Variants in DIAPH2 observed in about 807,000 individuals in gnomAD.
DIAPH2 encodes the protein protein diaphanous homolog 2.
A neutral mutation model predicts 92.7 loss-of-function variants in DIAPH2; 35 were observed. The observed-to-expected ratio is 0.38, with a 90% CI of 0.29 to 0.50. The LOEUF is 0.50. DIAPH2 is among the 20% of genes least tolerant of loss of function. The pLI, the probability that DIAPH2 is intolerant of heterozygous loss-of-function variation, is 0.94. For missense variants in DIAPH2, 701 were observed against 819.5 expected, an observed-to-expected ratio of 0.86 and a Z score of 1.77; for synonymous variants, 301 against 280.4, an observed-to-expected ratio of 1.07 and a Z score of -0.73.
At chrX:96,835,280 G>A (rs1488370933) in intron 4 of DIAPH2, among the ~76,000 whole-genome samples, 1 of 111,802 alleles carries the variant, frequency 8.9e-6, no homozygotes, top group Non-Finnish European at 1.9e-5. Context: ...CACATTAATC[G>A]AATACTTATT....
At chrX:97,310,006 TC>T (rs781697118) in intron 23 of DIAPH2, among the ~76,000 whole-genome samples, 1 of 111,862 alleles carries the variant, frequency 8.9e-6, no homozygotes, top group Non-Finnish European at 1.9e-5. Flanking sequence ...TTTAGGCAGC[TC>T]CTCTATTTCT....
intron 17 of DIAPH2, among the ~76,000 whole-genome samples, chrX:96,970,133 G>T (rs2065918571): frequency 8.9e-6 from 1 of 111,745 alleles, no homozygotes; most frequent in African/African-American, 3.3e-5. Context: ...ATTTTGTTGA[G>T]AATTTTTGTG....
At chrX:97,300,791 G>T (rs1322694476) in intron 23 of DIAPH2, among the ~76,000 whole-genome samples, 2 of 98,073 alleles carry the variant, frequency 2.0e-5, no homozygotes, top group Non-Finnish European at 4.1e-5. Flanking sequence ...AATTAGCCGG[G>T]CATGGTGGCG....
At chrX:97,191,160 C>T (rs1288879337) in intron 22 of DIAPH2, among the ~76,000 whole-genome samples, 3 of 109,374 alleles carry the variant, frequency 2.7e-5, no homozygotes, top group Non-Finnish European at 5.7e-5. Flanking sequence ...GAAACCCTGT[C>T]GTTACTAAAA....
intron 3 of DIAPH2, among the ~76,000 whole-genome samples, chrX:96,755,271 T>C (rs1377529051): frequency 8.9e-6 from 1 of 112,116 alleles, no homozygotes; most frequent in Non-Finnish European, 1.9e-5. Flanking sequence ...ATATAGATTT[T>C]TGCTGTCAAC....
chrX:97,110,990 AC>A (rs1187804301), intron 20 of DIAPH2, among the ~76,000 whole-genome samples: 4 of 108,114 alleles, frequency 3.7e-5, no homozygotes, highest in South Asian at 3.9e-4. Context: ...CTCAAAAAAA[AC>A]AAACAAAAAA....
At chrX:97,054,746 C>G (rs915259100) in intron 17 of DIAPH2, among the ~76,000 whole-genome samples, 7 of 111,040 alleles carry the variant, frequency 6.3e-5, no homozygotes, top group Non-Finnish European at 1.3e-4. Context: ...AAATTCCCTA[C>G]TTATTACTTA....
intron 21 of DIAPH2, among the ~76,000 whole-genome samples, chrX:97,124,334 G>A (rs777032946): frequency 3.1e-4 from 35 of 112,136 alleles, no homozygotes; most frequent in Non-Finnish European, 5.6e-4. Context: ...TAGAGGTCCC[G>A]TGAGCTTATT....
chrX:96,975,823 C>T (rs2065956599), intron 17 of DIAPH2, among the ~76,000 whole-genome samples: 1 of 110,941 alleles, frequency 9.0e-6, no homozygotes, highest in Non-Finnish European at 1.9e-5. Flanking sequence ...GTTTTAAGGG[C>T]ACTAATACAA....
In DIAPH2 at chrX:96,689,037, C is replaced by T. The variant is rs746288231; in HGVS notation, c.132+3847C>T. 1.8e-3 allele frequency among the ~76,000 whole-genome samples: 197 copies of T among 109,639 alleles called. 1 individual carries two copies. Among genetic ancestry groups the T allele is most frequent in the African/African-American group, 6.2e-3 (185 of 30,021 alleles). On this transcript the variant is annotated intron_variant, in intron 1 of 26. Transcript: ENST00000324765. The stretch of plus-strand genomic sequence containing the variant: ...ATGGAGAGGCATCTACGTAGAATTG[C>T]ATGCTTGAGTAAGAAAAGGCTTATC...
At chrX:96,874,749 T>C (rs2065167446) in intron 4 of DIAPH2, among the ~76,000 whole-genome samples, 1 of 112,050 alleles carries the variant, frequency 8.9e-6, no homozygotes, top group Admixed American at 9.5e-5. Flanking sequence ...TTTCCTCTAA[T>C]GTTAAAATCT....
At chrX:97,431,333 A>G (rs1392157400) in intron 26 of DIAPH2, 5 of 112,400 alleles carry the variant, frequency 4.4e-5, no homozygotes, top group African/African-American at 1.6e-4. Context: ...AAGTGAAAAC[A>G]TGTTATTCTG....
intron 22 of DIAPH2, among the ~76,000 whole-genome samples, chrX:97,176,039 G>A (rs1255279354): frequency 1.8e-5 from 2 of 112,100 alleles, no homozygotes; most frequent in African/African-American, 6.5e-5. Context: ...ATGTTATTAT[G>A]TTGTCCTATG....
intron 17 of DIAPH2, among the ~76,000 whole-genome samples, chrX:97,044,258 A>G (rs1012509286): frequency 9.0e-6 from 1 of 111,558 alleles, no homozygotes; most frequent in African/African-American, 3.3e-5. Context: ...AAACCCTGTA[A>G]GTGACAAATT....
intron 26 of DIAPH2, among the ~76,000 whole-genome samples, chrX:97,537,532 A>G (rs1488892165): frequency 2.7e-5 from 3 of 111,741 alleles, no homozygotes; most frequent in Non-Finnish European, 5.6e-5. Context: ...CCTGGTATTC[A>G]TGTTCTTTGA....
chrX:97,134,353 T>C (rs920840197), intron 21 of DIAPH2, among the ~76,000 whole-genome samples: 5 of 111,953 alleles, frequency 4.5e-5, no homozygotes, highest in Non-Finnish European at 9.4e-5. Context: ...ACACTAAGCA[T>C]TGAAAACACG....
intron 22 of DIAPH2, among the ~76,000 whole-genome samples, chrX:97,244,357 TATC>T (rs1290392579): frequency 5.3e-5 from 6 of 112,248 alleles, no homozygotes; most frequent in Non-Finnish European, 7.5e-5. Flanking sequence ...ATGAAGTCAT[TATC>T]ATCATCATCC....
chrX:97,029,843 G>T (rs1464301435), intron 17 of DIAPH2, among the ~76,000 whole-genome samples: 1 of 110,960 alleles, frequency 9.0e-6, no homozygotes, highest in Non-Finnish European at 1.9e-5. Flanking sequence ...GATTACTATA[G>T]CTTTATAGTA....
At chrX:96,794,223 G>A (rs980055678) in intron 4 of DIAPH2, among the ~76,000 whole-genome samples, 2 of 111,202 alleles carry the variant, frequency 1.8e-5, no homozygotes, top group Admixed American at 9.6e-5. Flanking sequence ...TCATGAAATA[G>A]TTGCCTCCCC....
Sources: allele counts gnomAD v4.1 joint callset (sites outside exome capture counted in the v4.1 genomes callset), GRCh38; gene constraint gnomAD v4.1.1; transcripts MANE v1.5; gene names NCBI Gene and HGNC (gene_info 2026-07-23, HGNC 2026-07-21).